KCNT2: variants seen among roughly 807,000 people sequenced by gnomAD.
KCNT2 encodes potassium sodium-activated channel subfamily T member 2.
KCNT2 carries 67 observed loss-of-function variants against 153.8 expected under a neutral mutation model. That is an observed-to-expected ratio of 0.44 (90% CI 0.36 to 0.53). The LOEUF is 0.53. Among genes scored for constraint, KCNT2 ranks in the 20% least tolerant of loss-of-function variants. The probability of loss-of-function intolerance (pLI) is 0.00; values close to 1 mark genes in which losing one functional copy is unlikely to be tolerated. For missense variants in KCNT2, 975 were observed against 1,354.8 expected, an observed-to-expected ratio of 0.72 and a Z score of 4.40; for synonymous variants, 500 against 458.8, an observed-to-expected ratio of 1.09 and a Z score of -1.15.
intron 13 of KCNT2, among the ~76,000 whole-genome samples, chr1:196,390,004 A>G (rs1670333527): frequency 6.6e-6 from 1 of 151,328 alleles, no homozygotes; most frequent in Admixed American, 6.6e-5. Context: ...TTAGAGTTTC[A>G]TTTTGTACAT....
chr1:196,360,327 C>A (rs1667513677), intron 14 of KCNT2, among the ~76,000 whole-genome samples: 1 of 151,834 alleles, frequency 6.6e-6, no homozygotes, highest in Non-Finnish European at 1.5e-5. Flanking sequence ...GGAGAAAGGA[C>A]AACTGGGGAT....
intron 8 of KCNT2, among the ~76,000 whole-genome samples, chr1:196,434,710 A>G (rs1360223580): frequency 6.6e-6 from 1 of 151,978 alleles, no homozygotes; most frequent in Non-Finnish European, 1.5e-5. Context: ...CAGGTCCTTC[A>G]ATCTGAACTG....
intron 22 of KCNT2, among the ~76,000 whole-genome samples, chr1:196,290,810 C>T (rs1233437832): frequency 6.6e-6 from 1 of 152,030 alleles, no homozygotes; most frequent in African/African-American, 2.4e-5. Flanking sequence ...AAATAACTTA[C>T]TAACTCTTTC....
At chr1:196,539,595 C>T (rs6671635) in intron 1 of KCNT2, among the ~76,000 whole-genome samples, 208 of 152,118 alleles carry the variant, frequency 1.4e-3, no homozygotes, top group African/African-American at 4.6e-3. Context: ...GTTTTTATTT[C>T]AATTAAACTA....
chr1:196,584,640 T>C (rs1277735514), intron 1 of KCNT2, among the ~76,000 whole-genome samples: 1 of 152,120 alleles, frequency 6.6e-6, no homozygotes, highest in Non-Finnish European at 1.5e-5. Flanking sequence ...AAGTATATTG[T>C]CAAACATTGT....
intron 1 of KCNT2, among the ~76,000 whole-genome samples, chr1:196,536,740 G>C (rs893464911): frequency 6.6e-6 from 1 of 152,144 alleles, no homozygotes; most frequent in African/African-American, 2.4e-5. Context: ...TCATCCATAC[G>C]ACAACTGCAG....
chr1:196,303,630 G>A (rs528023585), intron 22 of KCNT2, among the ~76,000 whole-genome samples: 2 of 152,074 alleles, frequency 1.3e-5, no homozygotes, highest in Non-Finnish European at 2.9e-5. Context: ...GTCAAATGCA[G>A]GGCTAAGTGT....
intron 5 of KCNT2, among the ~76,000 whole-genome samples, chr1:196,475,080 A>G (rs894460411): frequency 6.6e-6 from 1 of 152,214 alleles, no homozygotes; most frequent in African/African-American, 2.4e-5. Context: ...CAAGAATTAT[A>G]AAGTGCTTGC....
chr1:196,305,155 A>AT lies in KCNT2; in HGVS notation c.2595+78dup, dbSNP rs549540441. ...CATTTTAGTTTTACTATCTCATGGCATTTTTTTTATATATTTACAGAGTTA... is the reference window on the plus strand; with the variant it reads ...CATTTTAGTTTTACTATCTCATGGCATTTTTTTTTATATATTTACAGAGTTA... On this transcript the variant is annotated intron_variant, in intron 22 of 27. Transcript: ENST00000294725. 1.7e-3 allele frequency: 1,472 copies of AT among 843,872 alleles called. 16 individuals are homozygous for AT. The African/African-American group carries it at 0.019, about 11-fold the overall frequency. 52.3% of individuals were successfully genotyped at this position (843,872 alleles called of 1,614,324 possible). A position where few individuals can be genotyped will look rare whatever the true frequency, so the allele number is the denominator to read the frequency against.
chr1:196,261,078 A>G (rs558457600), intron 25 of KCNT2, among the ~76,000 whole-genome samples: 1 of 151,846 alleles, frequency 6.6e-6, no homozygotes, highest in South Asian at 2.1e-4. Flanking sequence ...CCATTTATAA[A>G]TATACTTTCC....
chr1:196,331,011 T>C, intron 18 of KCNT2, 145 bp downstream of exon 18: 3 of 571,982 alleles, frequency 5.2e-6, no homozygotes, highest in Non-Finnish European at 6.4e-6. Context: ...AACTGACCAC[T>C]TTATATAAAT....
At chr1:196,441,070 A>C (rs1026349105) in intron 8 of KCNT2, among the ~76,000 whole-genome samples, 8 of 151,862 alleles carry the variant, frequency 5.3e-5, no homozygotes, top group African/African-American at 1.7e-4. Context: ...AATGTGGCTC[A>C]CCAAATTGAG....
At chr1:196,304,711 T>A (rs924336704) in intron 22 of KCNT2, among the ~76,000 whole-genome samples, 1 of 152,150 alleles carries the variant, frequency 6.6e-6, no homozygotes, top group Non-Finnish European at 1.5e-5. Flanking sequence ...ATTGTCTCTA[T>A]TAGCATTATC....
chr1:196,598,180 C>G (rs1046248945), intron 1 of KCNT2, among the ~76,000 whole-genome samples: 1 of 152,090 alleles, frequency 6.6e-6, no homozygotes, highest in African/African-American at 2.4e-5. Context: ...ACTATTTGAT[C>G]TTACATGATG....
intron 1 of KCNT2, among the ~76,000 whole-genome samples, chr1:196,537,493 C>T (rs1481911063): frequency 9.9e-5 from 15 of 152,264 alleles, no homozygotes. Flanking sequence ...TGCCAGCACT[C>T]GTGGTATGTT....
At chr1:196,582,725 A>G (rs1662213049) in intron 1 of KCNT2, among the ~76,000 whole-genome samples, 2 of 152,084 alleles carry the variant, frequency 1.3e-5, no homozygotes, top group African/African-American at 4.8e-5. Context: ...CTCACCACCA[A>G]TTCATTTACA....
intron 1 of KCNT2, among the ~76,000 whole-genome samples, chr1:196,591,317 C>G (rs565813854): frequency 5.9e-5 from 9 of 152,020 alleles, no homozygotes; most frequent in Non-Finnish European, 1.0e-4. Context: ...AGGCCCTCCC[C>G]AGAAAAAGGA....
chr1:196,472,415 T>C (rs1221959848), intron 5 of KCNT2, among the ~76,000 whole-genome samples: 4 of 152,104 alleles, frequency 2.6e-5, no homozygotes, highest in Non-Finnish European at 5.9e-5. Flanking sequence ...GATTCAAGAG[T>C]TCTTGTTTCT....
chr1:196,264,850 A>T (rs1015307061), intron 25 of KCNT2, among the ~76,000 whole-genome samples: 5 of 152,022 alleles, frequency 3.3e-5, no homozygotes, highest in African/African-American at 1.2e-4. Context: ...TGGCTGGCCT[A>T]GAACTCCTGA....
Sources: allele counts gnomAD v4.1 joint callset (sites outside exome capture counted in the v4.1 genomes callset), GRCh38; gene constraint gnomAD v4.1.1; transcripts MANE v1.5; gene names NCBI Gene and HGNC (gene_info 2026-07-23, HGNC 2026-07-21).